NFASC: variants seen among roughly 807,000 people sequenced by gnomAD.
NFASC encodes neurofascin.
In NFASC, 43 loss-of-function variants were observed where a neutral mutation model predicts 147.5. The observed-to-expected ratio is 0.29, with a 90% confidence interval of 0.23 to 0.38. The LOEUF (loss-of-function observed/expected upper bound fraction) is 0.38. Ranked by LOEUF, NFASC falls within the 10% of genes least tolerant of loss-of-function variation. The pLI is 1.00. For synonymous variants in NFASC, 622 were observed against 665.5 expected (o/e 0.93, Z 1.01); for missense variants, 1,320 against 1,689.0 (o/e 0.78, Z 3.83).
chr1:204,912,952 C>T (rs557385787), intron 1 of NFASC, among the ~76,000 whole-genome samples: 1 of 152,170 alleles, frequency 6.6e-6, no homozygotes, highest in Non-Finnish European at 1.5e-5. Flanking sequence ...CACTTGAGCC[C>T]TGGAGACTGA....
At chr1:204,887,586 CTTTTTTT>C (rs200468415) in intron 1 of NFASC, among the ~76,000 whole-genome samples, 3 of 42,336 alleles carry the variant, frequency 7.1e-5, no homozygotes, top group Non-Finnish European at 9.5e-5. Context: ...GCCTGATTGG[CTTTTTTT>C]TTTTTTTTTT....
intron 25 of NFASC, chr1:205,000,742 G>C (rs993775349): frequency 5.3e-6 from 1 of 188,150 alleles, no homozygotes; most frequent in African/African-American, 2.4e-5. Flanking sequence ...CAGGAGAATC[G>C]CTTGAACCTG....
At chr1:204,877,027 TAATATATATTTATATATATATAA>T (rs2079041567) in intron 1 of NFASC, among the ~76,000 whole-genome samples, 2 of 85,120 alleles carry the variant, frequency 2.3e-5, no homozygotes, top group Admixed American at 1.6e-4. Flanking sequence ...TATATATATA[TAATATATATTTATATATATATAA>T]TATATTTATT....
At chr1:204,973,676 AAAGCTGG>A (rs1242879552) in intron 12 of NFASC, among the ~76,000 whole-genome samples, 5 of 152,218 alleles carry the variant, frequency 3.3e-5, no homozygotes, top group Non-Finnish European at 7.3e-5. Flanking sequence ...TAAAATTCAC[AAAGCTGG>A]ATGAGCAGAC....
In NFASC at chr1:204,950,589, T is replaced by G. The variant is rs757705377; in HGVS notation, c.109+15T>G. ...TCAGAATGAGCGTAAGTGCCCTGTGTGCCTCTCTGTGCCTCTGGGAGTTGG... is the reference window on the plus strand; with the variant it reads ...TCAGAATGAGCGTAAGTGCCCTGTGGGCCTCTCTGTGCCTCTGGGAGTTGG... On this transcript the variant is annotated intron_variant, in intron 4 of 29. Transcript: ENST00000339876. The G allele has an allele frequency of 3.0e-5, 48 of 1,610,680 alleles. No homozygotes were observed. The highest frequency in any genetic ancestry group is 1.6e-4 in the Middle Eastern group (1 of 6,082).
At chr1:204,878,897 CAGAT>C (rs1268981221) in intron 1 of NFASC, among the ~76,000 whole-genome samples, 2 of 152,194 alleles carry the variant, frequency 1.3e-5, no homozygotes, top group East Asian at 3.8e-4. Context: ...GGCAGGGGGA[CAGAT>C]CTTTGGAGAG....
chr1:204,926,978 G>A (rs564000016), intron 2 of NFASC, among the ~76,000 whole-genome samples: 1 of 152,236 alleles, frequency 6.6e-6, no homozygotes, highest in South Asian at 2.1e-4. Context: ...GGGAGACTGA[G>A]GCAGGAGAAT....
chr1:204,909,943 G>A (rs2086949496), intron 1 of NFASC, among the ~76,000 whole-genome samples: 1 of 151,664 alleles, frequency 6.6e-6, no homozygotes, highest in African/African-American at 2.4e-5. Flanking sequence ...ATTGATCTAT[G>A]TGTCTCTTCC....
Position 204,986,026 on chromosome 1 carries a change from C to T in NFASC, c.2471-1392C>T. 2 of 1,614,134 alleles carry T rather than the reference C, an allele frequency of 1.2e-6. No individual in the cohort carries two copies. The highest frequency in any genetic ancestry group is 8.5e-7 in the Non-Finnish European group (1 of 1,179,968). ...GCGTGGTGTCCCGCCTCTTCCCCTA[C>T]AGTAACTACAAGCTGGAGATGGTTG... On this transcript the variant is annotated intron_variant, in intron 21 of 29. Coordinates refer to ENST00000339876, the MANE Select transcript of NFASC (RefSeq NM_001005388.3). This position sits in a 1 kb window ranked among gnomAD's most constrained non-coding sequence, Gnocchi z 4.2.
intron 16 of NFASC, among the ~76,000 whole-genome samples, 181 bp from the exon 17 acceptor site, chr1:204,977,500 G>A (rs1397031022): frequency 6.6e-6 from 1 of 152,208 alleles, no homozygotes; most frequent in Non-Finnish European, 1.5e-5. Flanking sequence ...CAGCTGTGGA[G>A]GAAACACAGA....
intron 27 of NFASC, among the ~76,000 whole-genome samples, chr1:205,006,892 C>T (rs1201094128): frequency 2.0e-5 from 3 of 152,010 alleles, no homozygotes; most frequent in African/African-American, 4.8e-5. Flanking sequence ...TCTGGGCTTA[C>T]GGTTGTGGAG....
intron 28 of NFASC, among the ~76,000 whole-genome samples, chr1:205,011,212 C>CG (rs914609936): frequency 6.6e-6 from 1 of 151,728 alleles, no homozygotes; most frequent in Non-Finnish European, 1.5e-5. Context: ...CCAGGACCCC[C>CG]CCCAAAACTC....
intron 5 of NFASC, among the ~76,000 whole-genome samples, chr1:204,953,542 C>T (rs2094256375): frequency 6.6e-6 from 1 of 152,176 alleles, no homozygotes; most frequent in Non-Finnish European, 1.5e-5. Context: ...GTGATCCACC[C>T]ACCTCAGCCT....
At chr1:204,881,629 T>A (rs2080252012) in intron 1 of NFASC, among the ~76,000 whole-genome samples, 4 of 152,024 alleles carry the variant, frequency 2.6e-5, no homozygotes, top group Admixed American at 2.0e-4. Context: ...TTCAGTCTGA[T>A]GGGGGGAACC....
chr1:204,944,420 C>T lies in NFASC; in HGVS notation c.91+14C>T, dbSNP rs2093569471. The stretch of plus-strand genomic sequence containing the variant: ...TTCCTATGGATCGTGAGTCCTGCCC[C>T]ATTCTCTTCTCTTTTTTTTCCTGAT... On this transcript the variant is annotated intron_variant, in intron 3 of 29. Transcript: ENST00000339876. 2 of 1,288,846 alleles carry T rather than the reference C, an allele frequency of 1.6e-6. No individual in the cohort carries two copies. Among genetic ancestry groups the T allele is most frequent in the East Asian group, 4.6e-5 (1 of 21,638 alleles). The allele number at this position is 1,288,846 out of a possible 1,614,324, so 79.8% of individuals were successfully genotyped here.
chr1:204,978,171 A>G (rs2095444216), intron 17 of NFASC, among the ~76,000 whole-genome samples: 1 of 152,144 alleles, frequency 6.6e-6, no homozygotes, highest in Admixed American at 6.5e-5. Flanking sequence ...TGTAGGACTC[A>G]CCTTCCAAGT....
intron 8 of NFASC, chr1:204,967,963 C>G (rs1437999955): frequency 3.5e-6 from 1 of 282,520 alleles, no homozygotes; most frequent in Non-Finnish European, 6.7e-6. Context: ...CAGACAGCCC[C>G]TCCCCGTTCC....
intron 25 of NFASC, chr1:204,998,815 T>G (rs2095907872): frequency 6.6e-6 from 1 of 152,190 alleles, no homozygotes; most frequent in African/African-American, 2.4e-5. Flanking sequence ...GGCTCTTGCT[T>G]CCCCAGCAAA....
chr1:204,944,646 G>A, intron 3 of NFASC: 1 of 496,984 alleles, frequency 2.0e-6, no homozygotes, highest in Non-Finnish European at 3.5e-6. Context: ...CTGATGCTTG[G>A]GGTGCCTGGA....
Sources: allele counts gnomAD v4.1 joint callset (sites outside exome capture counted in the v4.1 genomes callset), GRCh38; gene constraint gnomAD v4.1.1; non-coding constraint Gnocchi (gnomAD v3.1); transcripts MANE v1.5; gene names NCBI Gene and HGNC (gene_info 2026-07-23, HGNC 2026-07-21).